CEMIP2: variants seen among roughly 807,000 people sequenced by gnomAD.
The protein encoded by CEMIP2 is cell migration inducing hyaluronidase 2, also known as cell surface hyaluronidase CEMIP2.
CEMIP2 carries 79 observed loss-of-function variants against 146.9 expected under a neutral mutation model. The ratio of observed to expected loss-of-function variants is 0.54; its 90% confidence interval spans 0.45 to 0.65. CEMIP2 has a LOEUF of 0.65. Among genes scored for constraint, CEMIP2 ranks in the 30% least tolerant of loss-of-function variants. The pLI is 0.00. For synonymous variants in CEMIP2, 601 were observed against 606.3 expected (o/e 0.99, Z 0.13); for missense variants, 1,596 against 1,696.2 (o/e 0.94, Z 1.04).
Position 71,750,743 on chromosome 9 carries a change from C to T in CEMIP2, c.-12-358G>A, listed in dbSNP as rs190253913. On this transcript the variant is annotated intron_variant, in intron 1 of 23. Transcript: ENST00000377044. ...ATTACAGGTGTGAGCCACCGCAACT[C>T]GCCTTTAATTTCTATTTTTTAGAGA... 1.2e-4 allele frequency among the ~76,000 whole-genome samples: 18 copies of T among 149,530 alleles called. No homozygotes were observed. In the East Asian group the frequency reaches 2.8e-3, roughly 23 times the overall value.
At chr9:71,707,366 G>T (rs1335407615) in intron 17 of CEMIP2, among the ~76,000 whole-genome samples, 1 of 151,288 alleles carries the variant, frequency 6.6e-6, no homozygotes, top group Admixed American at 6.6e-5. Context: ...TTTGCTCATG[G>T]AAATGAGAAA....
chr9:71,747,282 C>T (rs1335595096), intron 2 of CEMIP2, among the ~76,000 whole-genome samples: 1 of 152,176 alleles, frequency 6.6e-6, no homozygotes, highest in Non-Finnish European at 1.5e-5. Context: ...AATCAGCTCA[C>T]ATTTCCTCAG....
At position 71,745,403 on chromosome 9, in the gene CEMIP2, A is replaced by C; in HGVS notation, c.649T>G (p.Phe217Val). 1.2e-6 allele frequency: 2 copies of C among 1,614,096 alleles called. No individual in the cohort carries two copies. Among genetic ancestry groups the C allele is most frequent in the Non-Finnish European group, 1.7e-6 (2 of 1,180,000 alleles). Residue 217 changes from phenylalanine (F) to valine (V), a missense_variant, in exon 4 of 24, where the codon TTT becomes GTT. Coordinates refer to ENST00000377044, the MANE Select transcript of CEMIP2 (RefSeq NM_013390.3). ...KSDEGESMPT[F>V]GKKFIGVEAG... ...TCCACACCAATAAACTTTTTGCCAA[A>C]TGTTGGCATACTTTCACCTTCATCT...
At chr9:71,688,413 CAG>C (rs1322213422) in intron 22 of CEMIP2, among the ~76,000 whole-genome samples, 1 of 151,144 alleles carries the variant, frequency 6.6e-6, no homozygotes, top group Non-Finnish European at 1.5e-5. Flanking sequence ...TTTTTAGAGA[CAG>C]AGTCGCGCTC....
intron 21 of CEMIP2, among the ~76,000 whole-genome samples, chr9:71,691,675 G>A (rs575833587): frequency 1.3e-5 from 2 of 152,148 alleles, no homozygotes; most frequent in African/African-American, 4.8e-5. Context: ...TACTTTCCAT[G>A]AAAACTAAAG....
chr9:71,688,544 T>A (rs968827179), intron 22 of CEMIP2, among the ~76,000 whole-genome samples: 1 of 150,718 alleles, frequency 6.6e-6, no homozygotes, highest in African/African-American at 2.5e-5. Flanking sequence ...GCCACCAACA[T>A]GCCGGCTAGT....
chr9:71,724,834 T>A (rs76854134), intron 11 of CEMIP2, among the ~76,000 whole-genome samples: 2 of 152,132 alleles, frequency 1.3e-5, no homozygotes, highest in African/African-American at 4.8e-5. Context: ...AAAGAAGAGA[T>A]GAATTATGCT....
At chr9:71,730,950 T>C in intron 7 of CEMIP2, 36 bp from the exon 8 acceptor site, 1 of 1,572,150 alleles carries the variant, frequency 6.4e-7, no homozygotes, top group Non-Finnish European at 8.8e-7. Flanking sequence ...ACTCATACTT[T>C]TCAGAATAGG....
rs76987750 is a variant in CEMIP2, at chr9:71,742,992, G to C, written c.1034+2026C>G. ...GCAGCAATTTGGGAGGCTGAGATGG[G>C]AGGATCACTTGAGGCCAGGAGTTTG... On this transcript the variant is annotated intron_variant, in intron 4 of 23. Transcript: ENST00000377044. Among the ~76,000 whole-genome samples the C allele has an allele frequency of 8.0e-3, 1,211 of 152,306 alleles. 21 individuals carry two copies. Among genetic ancestry groups the C allele is most frequent in the African/African-American group, 0.028 (1,156 of 41,550 alleles).
chr9:71,716,580 T>C, intron 13 of CEMIP2, 28 bp from the exon 14 acceptor site: 1 of 1,554,630 alleles, frequency 6.4e-7, no homozygotes, highest in Non-Finnish European at 8.8e-7. Flanking sequence ...ATGAAGAACA[T>C]TTTAATTTAC....
At chr9:71,764,623 AT>A (rs749688656) in intron 1 of CEMIP2, among the ~76,000 whole-genome samples, 1 of 152,098 alleles carries the variant, frequency 6.6e-6, no homozygotes, top group Non-Finnish European at 1.5e-5. Flanking sequence ...ATTTACATTC[AT>A]TACCCCCCTC....
chr9:71,698,192 C>T lies in CEMIP2; in HGVS notation c.3390G>A (p.Leu1130=), dbSNP rs1454174195. ...YFDSSTGLLF[L]YLKAKSHRHG... The stretch of plus-strand genomic sequence containing the variant: ...GCCTGTGGCTTTTGGCTTTGAGATA[C>T]AAAAACAGTAACCTGCACAAAACAG... Residue 1130 remains leucine, a synonymous_variant, in exon 20 of 24, where the codon TTG becomes TTA. Coordinates refer to ENST00000377044, the MANE Select transcript of CEMIP2 (RefSeq NM_013390.3). 3.1e-6 allele frequency: 5 copies of T among 1,613,906 alleles called. No individual in the cohort carries two copies. The highest frequency in any genetic ancestry group is 3.4e-6 in the Non-Finnish European group (4 of 1,179,964).
chr9:71,730,381 A>G (rs1823581130), intron 8 of CEMIP2, 128 bp from the exon 9 acceptor site: 1 of 900,560 alleles, frequency 1.1e-6, no homozygotes, highest in East Asian at 2.6e-5. Context: ...CAGAATGGGC[A>G]AAGTGAAATG....
At chr9:71,685,602 G>T in intron 23 of CEMIP2, 141 bp downstream of exon 23, 2 of 858,804 alleles carry the variant, frequency 2.3e-6, no homozygotes, top group Non-Finnish European at 3.6e-6. Context: ...CTCTCACATT[G>T]TGCCCTTATT....
At chr9:71,749,106 A>T (rs1209577654) in intron 2 of CEMIP2, among the ~76,000 whole-genome samples, 2 of 152,202 alleles carry the variant, frequency 1.3e-5, no homozygotes, top group African/African-American at 4.8e-5. Context: ...ATCTTCTTCA[A>T]AACTTTTCAA....
At chr9:71,695,297 CA>C (rs1328735877) in intron 20 of CEMIP2, among the ~76,000 whole-genome samples, 1 of 152,186 alleles carries the variant, frequency 6.6e-6, no homozygotes, top group Non-Finnish European at 1.5e-5. Flanking sequence ...GCTCTCTTCT[CA>C]TTCAAAAACA....
chr9:71,715,216 TTCACAAG>T (rs1298979585), intron 14 of CEMIP2, 127 bp from the exon 15 acceptor site: 1 of 790,250 alleles, frequency 1.3e-6, no homozygotes, highest in Non-Finnish European at 1.9e-6. Context: ...CTAATACACA[TTCACAAG>T]TCTTCAGAAA....
At position 71,739,361 on chromosome 9, in the gene CEMIP2, C is replaced by CAA. The variant is rs71353516; in HGVS notation, c.1204+700_1204+701dup. Among the ~76,000 whole-genome samples, 109 of 42,822 alleles carry CAA rather than the reference C, an allele frequency of 2.5e-3. 5 individuals carry two copies. Among genetic ancestry groups the CAA allele is most frequent in the African/African-American group, 8.8e-3 (80 of 9,054 alleles). 28.1% of individuals were successfully genotyped at this position (42,822 alleles called of 152,430 possible). On this transcript the variant is annotated intron_variant, in intron 5 of 23. Transcript: ENST00000377044. ...TGGGTGACAGAGTGAGACTCTGTCT[C>CAA]AAAAAAAAAAAAAAAAAAAAAAAAA...
intron 22 of CEMIP2, among the ~76,000 whole-genome samples, chr9:71,688,141 G>A (rs1822123548): frequency 6.6e-6 from 1 of 152,206 alleles, no homozygotes; most frequent in Admixed American, 6.5e-5. Flanking sequence ...ATAGGCATGA[G>A]CCACTGTGCC....
Sources: gnomAD v4.1 joint callset for allele counts (sites outside exome capture counted in the v4.1 genomes callset) on GRCh38, gnomAD v4.1.1 for gene constraint, MANE v1.5 for transcripts, NCBI Gene and HGNC (gene_info 2026-07-23, HGNC 2026-07-21) for gene names.